TMTC4: variants seen among roughly 807,000 people sequenced by gnomAD.
TMTC4 encodes the protein protein O-mannosyl-transferase TMTC4.
TMTC4 carries 65 observed loss-of-function variants against 86.0 expected under a neutral mutation model. The observed-to-expected ratio is 0.76, with a 90% CI of 0.62 to 0.93. The LOEUF (loss-of-function observed/expected upper bound fraction) is 0.93, where lower values mean the gene tolerates loss of function less well. Among genes scored for constraint, TMTC4 ranks in the 40% least tolerant of loss-of-function variants. The pLI is 0.00. For synonymous variants in TMTC4, 379 were observed against 382.5 expected (o/e 0.99, Z 0.11); for missense variants, 866 against 948.1 (o/e 0.91, Z 1.14).
intron 5 of TMTC4, among the ~76,000 whole-genome samples, chr13:100,662,702 T>C (rs1038780370): frequency 2.6e-5 from 4 of 152,178 alleles, no homozygotes; most frequent in Non-Finnish European, 5.9e-5. Flanking sequence ...CCACACCTTA[T>C]CACGCAGTCC....
chr13:100,639,949 AAAAAT>A lies in TMTC4; in HGVS notation c.742-1932_742-1928del, dbSNP rs528284384. 3.3e-5 allele frequency among the ~76,000 whole-genome samples: 5 copies of A among 152,138 alleles called. No homozygotes were observed. The South Asian group carries it at 6.2e-4, about 19-fold the overall frequency. On this transcript the variant is annotated intron_variant, in intron 7 of 18. Coordinates refer to ENST00000342624, the MANE Select transcript of TMTC4 (RefSeq NM_032813.5). The stretch of plus-strand genomic sequence containing the variant: ...GAGAGAAACCGTCTCGAATAAAAAT[AAAAAT>A]AAAATAAAATAAAATAAAATAAAAA...
intron 6 of TMTC4, among the ~76,000 whole-genome samples, chr13:100,652,072 G>A (rs1357287317): frequency 1.3e-5 from 2 of 152,216 alleles, no homozygotes; most frequent in Non-Finnish European, 2.9e-5. Context: ...GGCTGAGACA[G>A]GAGAATCACT....
chr13:100,615,327 C>A (rs1266002095), intron 15 of TMTC4, among the ~76,000 whole-genome samples: 1 of 151,856 alleles, frequency 6.6e-6, no homozygotes, highest in Non-Finnish European at 1.5e-5. Context: ...TGAGTAGAGA[C>A]GGGGTTTCAC....
intron 15 of TMTC4, among the ~76,000 whole-genome samples, chr13:100,622,971 T>C (rs1401797802): frequency 6.6e-6 from 1 of 152,088 alleles, no homozygotes; most frequent in Non-Finnish European, 1.5e-5. Context: ...TAAGATTCTA[T>C]CTCCACAACT....
chr13:100,632,496 G>A (rs548159657), intron 12 of TMTC4, among the ~76,000 whole-genome samples: 31 of 152,282 alleles, frequency 2.0e-4, no homozygotes, highest in African/African-American at 7.0e-4. Context: ...GAAAAATAAA[G>A]CAGATCTATT....
rs151254499 is a variant in TMTC4, at chr13:100,648,024, G to C, written c.641-5713C>G. ...TCCTACTCTTTTTCCTTAGACTTCCGATTTTGCTTCAAACACACCCAGCAT... is the reference window on the plus strand; with the variant it reads ...TCCTACTCTTTTTCCTTAGACTTCCCATTTTGCTTCAAACACACCCAGCAT... On this transcript the variant is annotated intron_variant, in intron 6 of 18. Coordinates refer to ENST00000342624, the MANE Select transcript of TMTC4 (RefSeq NM_032813.5). Among the ~76,000 whole-genome samples the C allele has an allele frequency of 1.5e-3, 226 of 152,192 alleles. 4 individuals carry two copies. In the East Asian group the frequency reaches 0.019, roughly 13 times the overall value.
At position 100,661,762 on chromosome 13, in the gene TMTC4, TAA is replaced by T. The variant is rs1885806507; in HGVS notation, c.552+1200_552+1201del. On this transcript the variant is annotated intron_variant, in intron 5 of 18. Coordinates refer to ENST00000342624, the MANE Select transcript of TMTC4 (RefSeq NM_032813.5). ...TGATACTGAAGAATAGACAATTTAC[TAA>T]AGTCAGATGCTAAAAACAGGACGTC... Among the ~76,000 whole-genome samples the T allele has an allele frequency of 2.0e-5, 3 of 152,350 alleles. No homozygotes were observed. The South Asian group carries it at 6.2e-4, about 32-fold the overall frequency.
At position 100,614,366 on chromosome 13, in the gene TMTC4, G is replaced by A. The variant is rs1288003893; in HGVS notation, c.1901C>T (p.Pro634Leu). The change falls in exon 16 of 19, where the codon CCA becomes CTA. Residue 634 changes from proline (P) to leucine (L), a missense_variant. Coordinates refer to ENST00000342624, the MANE Select transcript of TMTC4 (RefSeq NM_032813.5). ...GTTGTTCCAGGCCAGGCTGTGCTCT[G>A]GTTTCAGCACGGTGGCATTTCTCCA... ...NAWRNATVLKPEHSLAWNNMI... is the reference protein window; with the variant it reads ...NAWRNATVLKLEHSLAWNNMI... The A allele has an allele frequency of 1.2e-6, 2 of 1,613,584 alleles. No individual in the cohort carries two copies. Among genetic ancestry groups the A allele is most frequent in the Non-Finnish European group, 1.7e-6 (2 of 1,179,928 alleles).
chr13:100,670,317 C>T (rs370343590), intron 2 of TMTC4, 43 bp downstream of exon 2: 329 of 1,599,148 alleles, frequency 2.1e-4, no homozygotes, highest in Non-Finnish European at 2.5e-4. Context: ...AGCCTTCTGT[C>T]TGAGTGAAGA....
intron 3 of TMTC4, among the ~76,000 whole-genome samples, chr13:100,667,504 T>C (rs987637127): frequency 4.6e-5 from 7 of 152,140 alleles, no homozygotes; most frequent in African/African-American, 1.4e-4. Flanking sequence ...GGAGATCAAC[T>C]GCAATATTAT....
intron 17 of TMTC4, among the ~76,000 whole-genome samples, chr13:100,609,828 T>C (rs1408594436): frequency 6.6e-6 from 1 of 152,114 alleles, no homozygotes; most frequent in Non-Finnish European, 1.5e-5. Flanking sequence ...ATGAACAAAC[T>C]GAGACCCAGA....
chr13:100,670,462 G>A lies in TMTC4; in HGVS notation c.-100C>T. 7.6e-7 allele frequency: 1 copy of A among 1,316,716 alleles called. No individual in the cohort carries two copies. Among genetic ancestry groups the A allele is most frequent in the Non-Finnish European group, 1.0e-6 (1 of 956,762 alleles). The allele number at this position is 1,316,716 out of a possible 1,614,324, so 81.6% of individuals were successfully genotyped here. A position where few individuals can be genotyped will look rare whatever the true frequency, so the allele number is the denominator to read the frequency against. On this transcript the variant is annotated 5_prime_UTR_variant, in exon 2 of 19. Coordinates refer to ENST00000342624, the MANE Select transcript of TMTC4 (RefSeq NM_032813.5). Reference sequence around the variant, plus strand: ...AACTCTTCCACTGCTTGTCTCTCGAGCCTCACAGCCTGGCATACGGCATGC... The same window carrying A: ...AACTCTTCCACTGCTTGTCTCTCGAACCTCACAGCCTGGCATACGGCATGC...
chr13:100,636,197 T>C (rs1882180834), intron 10 of TMTC4, among the ~76,000 whole-genome samples: 1 of 152,146 alleles, frequency 6.6e-6, no homozygotes, highest in Non-Finnish European at 1.5e-5. Flanking sequence ...TGTGCAATAA[T>C]GGGCACAACA....
intron 5 of TMTC4, among the ~76,000 whole-genome samples, chr13:100,656,788 C>A (rs1248759586): frequency 2.6e-5 from 4 of 152,216 alleles, no homozygotes; most frequent in Middle Eastern, 3.4e-3. Flanking sequence ...AAGTGATCCA[C>A]CCACCTCTGC....
chr13:100,604,098 C>G lies in TMTC4; in HGVS notation c.*896G>C, dbSNP rs1297857184. ...AATACCACGAATTCCCCGAATGTGG[C>G]TCCATTTGATAGAAAATTTTGCATT... On this transcript the variant is annotated 3_prime_UTR_variant, in exon 19 of 19. Transcript: ENST00000342624. 1.3e-5 allele frequency: 2 copies of G among 152,654 alleles called. No homozygotes were observed. Among genetic ancestry groups the G allele is most frequent in the Non-Finnish European group, 2.9e-5 (2 of 68,044 alleles). The allele number at this position is 152,654 out of a possible 1,614,324, so 9.5% of individuals were successfully genotyped here. A position where few individuals can be genotyped will look rare whatever the true frequency, so the allele number is the denominator to read the frequency against.
chr13:100,632,279 A>G (rs191514835), intron 12 of TMTC4, among the ~76,000 whole-genome samples: 22 of 152,280 alleles, frequency 1.4e-4, no homozygotes, highest in African/African-American at 5.1e-4. Context: ...CACCTACATT[A>G]CTAACCTAGA....
At chr13:100,635,337 T>C (rs1376723306) in intron 10 of TMTC4, 142 bp from the exon 11 acceptor site, 2 of 947,692 alleles carry the variant, frequency 2.1e-6, no homozygotes, top group Non-Finnish European at 3.0e-6. Flanking sequence ...AGCCAAAGGA[T>C]ATCATCAGTA....
At chr13:100,673,050 C>T (rs1442056944) in intron 1 of TMTC4, among the ~76,000 whole-genome samples, 2 of 152,196 alleles carry the variant, frequency 1.3e-5, no homozygotes, top group African/African-American at 4.8e-5. Flanking sequence ...CTACCTGACT[C>T]CTGCGACAGA....
At chr13:100,639,269 A>G (rs1471799264) in intron 7 of TMTC4, among the ~76,000 whole-genome samples, 2 of 152,202 alleles carry the variant, frequency 1.3e-5, no homozygotes, top group Non-Finnish European at 2.9e-5. Flanking sequence ...GCTGGGAGCC[A>G]CTAATTATCT....
Sources: allele counts gnomAD v4.1 joint callset (sites outside exome capture counted in the v4.1 genomes callset), GRCh38; gene constraint gnomAD v4.1.1; transcripts MANE v1.5; gene names NCBI Gene and HGNC (gene_info 2026-07-23, HGNC 2026-07-21).